Variants in PHLPP1 observed in about 807,000 individuals in gnomAD.
PHLPP1 encodes the protein PH domain leucine-rich repeat-containing protein phosphatase 1.
In PHLPP1, 42 loss-of-function variants were observed where a neutral mutation model predicts 117.2. That is an observed-to-expected ratio of 0.36 (90% confidence interval 0.28 to 0.46). The LOEUF is 0.46. Among genes scored for constraint, PHLPP1 ranks in the 20% least tolerant of loss-of-function variants. PHLPP1 has a pLI of 1.00. For missense variants in PHLPP1, 2,084 were observed against 2,241.9 expected (o/e 0.93, Z 1.42); for synonymous variants, 1,042 against 970.7 (o/e 1.07, Z -1.37).
chr18:62,751,301 G>C (rs769528676), intron 1 of PHLPP1, among the ~76,000 whole-genome samples: 1 of 152,190 alleles, frequency 6.6e-6, no homozygotes. Context: ...TGTCCGAACT[G>C]TCTCTAAAAC....
chr18:62,921,281 G>A (rs574377270), intron 10 of PHLPP1, among the ~76,000 whole-genome samples: 7 of 152,254 alleles, frequency 4.6e-5, no homozygotes, highest in African/African-American at 1.7e-4. Flanking sequence ...AGACAAAAAC[G>A]TTAAATTTAA....
chr18:62,820,399 G>A (rs1336745258), intron 1 of PHLPP1, among the ~76,000 whole-genome samples: 1 of 152,208 alleles, frequency 6.6e-6, no homozygotes, highest in African/African-American at 2.4e-5. Flanking sequence ...TTCTTTTCAA[G>A]TACATATGGA....
chr18:62,924,627 A>G (rs150728161), intron 10 of PHLPP1, among the ~76,000 whole-genome samples: 139 of 140,962 alleles, frequency 9.9e-4, no homozygotes, highest in African/African-American at 3.3e-3. Flanking sequence ...TGAGCCTAGG[A>G]GTTTGAGACC....
chr18:62,888,331 G>GTA (rs1488117615), intron 4 of PHLPP1, among the ~76,000 whole-genome samples: 1 of 123,636 alleles, frequency 8.1e-6, no homozygotes, highest in Admixed American at 7.7e-5. Flanking sequence ...GTGTGTGTGT[G>GTA]TGTATGTTTT....
intron 1 of PHLPP1, among the ~76,000 whole-genome samples, chr18:62,764,598 A>G (rs551091575): frequency 1.8e-3 from 275 of 151,682 alleles, no homozygotes; most frequent in African/African-American, 6.5e-3. Flanking sequence ...CTAAAAATAC[A>G]AAAATTAGCT....
At position 62,766,090 on chromosome 18, in the gene PHLPP1, TATATATATATATAA is replaced by T. The variant is rs1326508303; in HGVS notation, c.1576+48833_1576+48846del. ...AAAAAAAAAAAAATATATATATATA[TATATATATATATAA>T]AATATATATATATTTGTACAGAAAA... On this transcript the variant is annotated intron_variant, in intron 1 of 16. Transcript: ENST00000262719. Among the ~76,000 whole-genome samples, 6 of 72,256 alleles carry T rather than the reference TATATATATATATAA, an allele frequency of 8.3e-5. 1 individual carries two copies. The East Asian group carries it at 1.4e-3, about 16-fold the overall frequency. 47.4% of individuals were successfully genotyped at this position (72,256 alleles called of 152,430 possible).
intron 4 of PHLPP1, among the ~76,000 whole-genome samples, chr18:62,885,933 G>A (rs953805965): frequency 1.3e-5 from 2 of 152,134 alleles, no homozygotes; most frequent in African/African-American, 2.4e-5. Flanking sequence ...TACAGGGATG[G>A]AACTGATTGC....
intron 1 of PHLPP1, among the ~76,000 whole-genome samples, chr18:62,730,536 T>C (rs1313801422): frequency 6.6e-6 from 1 of 152,158 alleles, no homozygotes; most frequent in African/African-American, 2.4e-5. Context: ...AAAAATCTGT[T>C]TTCGGCCAGG....
At position 62,716,784 on chromosome 18, in the gene PHLPP1, C is replaced by G; in HGVS notation, c.1101C>G (p.Ser367Arg). 6.5e-7 allele frequency: 1 copy of G among 1,526,822 alleles called. No individual in the cohort carries two copies. The highest frequency in any genetic ancestry group is 8.8e-7 in the Non-Finnish European group (1 of 1,142,356). 94.6% of individuals were successfully genotyped at this position (1,526,822 alleles called of 1,614,324 possible). Residue 367 changes from serine (S) to arginine (R), a missense_variant, in exon 1 of 17, where the codon AGC becomes AGG. Physicochemically the swap from Ser to Arg is moderately radical, Grantham distance 110. Around this residue, in one of 2 missense-constraint regions of PHLPP1, gnomAD observed 719 missense variants for 636.0 expected, o/e 1.13. Coordinates refer to ENST00000262719, the MANE Select transcript of PHLPP1 (RefSeq NM_194449.4). This position sits in a 1 kb window ranked among gnomAD's most constrained non-coding sequence, Gnocchi z 5.7. ...ESVSDRLDPYSSGGGSSSSSE... is the reference protein window; with the variant it reads ...ESVSDRLDPYRSGGGSSSSSE... ...TGTCTGACCGGTTGGACCCCTACAGCAGCGGCGGCGGCTCCTCGTCGTCGT... is the reference window on the plus strand; with the variant it reads ...TGTCTGACCGGTTGGACCCCTACAGGAGCGGCGGCGGCTCCTCGTCGTCGT...
intron 3 of PHLPP1, 99 bp downstream of exon 3, chr18:62,839,008 CT>C (rs139937171): frequency 2.5e-4 from 311 of 1,255,646 alleles, no homozygotes; most frequent in South Asian, 5.5e-4. Context: ...GTTACACACA[CT>C]TTTTTTTTCC....
chr18:62,721,028 T>C (rs1166158789), intron 1 of PHLPP1, among the ~76,000 whole-genome samples: 1 of 152,186 alleles, frequency 6.6e-6, no homozygotes, highest in Admixed American at 6.5e-5. Context: ...TCGTATCACT[T>C]TCCATGAATC....
In PHLPP1 at chr18:62,903,089, T is replaced by C; in HGVS notation, c.2570T>C (p.Leu857Ser). 1 of 1,613,766 alleles carries C rather than the reference T, an allele frequency of 6.2e-7. No homozygotes were observed. Among genetic ancestry groups the C allele is most frequent in the African/African-American group, 1.3e-5 (1 of 75,050 alleles). The change falls in exon 7 of 17, where the codon TTA becomes TCA. Residue 857 changes from leucine to serine, a missense_variant. By Grantham distance (145) the Leu-to-Ser change is moderately radical (BLOSUM62 -2). Coordinates refer to ENST00000262719, the MANE Select transcript of PHLPP1 (RefSeq NM_194449.4). ...ATGATTTTCAACAACATTGAAGTTTTACACTGTGAAAGGAATCAACTGGTC... is the reference window on the plus strand; with the variant it reads ...ATGATTTTCAACAACATTGAAGTTTCACACTGTGAAAGGAATCAACTGGTC... ...DAMIFNNIEV[L>S]HCERNQLVTL...
chr18:62,896,052 C>A, intron 6 of PHLPP1, 41 bp downstream of exon 6: 2 of 1,269,038 alleles, frequency 1.6e-6, no homozygotes, highest in Non-Finnish European at 2.3e-6. Flanking sequence ...GAGTGGCTGG[C>A]TTATATTGCA....
intron 4 of PHLPP1, among the ~76,000 whole-genome samples, chr18:62,887,822 A>G (rs1370091486): frequency 6.6e-6 from 1 of 152,076 alleles, no homozygotes; most frequent in Non-Finnish European, 1.5e-5. Context: ...ACTGCAGCCT[A>G]AACCTTCTGG....
Position 62,838,926 on chromosome 18 carries a change from TC to T in PHLPP1, c.1899+19del, listed in dbSNP as rs773167281. 1 of 1,613,436 alleles carries T rather than the reference TC, an allele frequency of 6.2e-7. No homozygotes were observed. Among genetic ancestry groups the T allele is most frequent in the Non-Finnish European group, 8.5e-7 (1 of 1,179,654 alleles). ...GTCTCCAAGGTAAGCAAGCACTTAA[TC>T]CAGGAATCCACTCAGCTTCTAGCTG... On this transcript the variant is annotated intron_variant, in intron 3 of 16. Coordinates refer to ENST00000262719, the MANE Select transcript of PHLPP1 (RefSeq NM_194449.4).
At chr18:62,916,265 T>C (rs534448726) in intron 9 of PHLPP1, among the ~76,000 whole-genome samples, 1 of 152,092 alleles carries the variant, frequency 6.6e-6, no homozygotes, top group African/African-American at 2.4e-5. Flanking sequence ...TAGTGTACAT[T>C]AATTACATGT....
In PHLPP1 at chr18:62,822,267, TTTTTTTTTTTTTGTTTTTG is replaced by T. The variant is rs1489306057; in HGVS notation, c.1577-7755_1577-7737del. ...ATAGAGGATCTGTAGAAAATAGTGT[TTTTTTTTTTTTTGTTTTTG>T]TTTTTTTTTTTTTGAGACAGAGTCT... On this transcript the variant is annotated intron_variant, in intron 1 of 16. Transcript: ENST00000262719. Among the ~76,000 whole-genome samples the T allele has an allele frequency of 2.9e-5, 4 of 139,534 alleles. No homozygotes were observed. In the East Asian group the frequency reaches 8.0e-4, roughly 28 times the overall value. 91.5% of individuals were successfully genotyped at this position (139,534 alleles called of 152,430 possible).
At position 62,980,102 on chromosome 18, in the gene PHLPP1, C is replaced by G. The variant is rs542463769; in HGVS notation, c.*671C>G. ...CCCAAGTAACTGACGTTTCCCCTCCCCCTCCCCTCTGAGGAGCCTGCCTGC... is the reference window on the plus strand; with the variant it reads ...CCCAAGTAACTGACGTTTCCCCTCCGCCTCCCCTCTGAGGAGCCTGCCTGC... On this transcript the variant is annotated 3_prime_UTR_variant, in exon 17 of 17. Transcript: ENST00000262719. The G allele has an allele frequency of 2.2e-4, 33 of 152,802 alleles. No homozygotes were observed. The highest frequency in any genetic ancestry group is 3.5e-4 in the Non-Finnish European group (24 of 68,136). The allele number at this position is 152,802 out of a possible 1,614,324, so 9.5% of individuals were successfully genotyped here.
chr18:62,851,381 A>G (rs1023596958), intron 3 of PHLPP1, among the ~76,000 whole-genome samples: 1 of 152,096 alleles, frequency 6.6e-6, no homozygotes, highest in Non-Finnish European at 1.5e-5. Context: ...TTTAACAGGT[A>G]CCTCATAGCC....
Sources: allele counts gnomAD v4.1 joint callset (sites outside exome capture counted in the v4.1 genomes callset), GRCh38; gene constraint gnomAD v4.1.1; regional missense constraint gnomAD v4.1.1; non-coding constraint Gnocchi (gnomAD v3.1); transcripts MANE v1.5; gene names NCBI Gene and HGNC (gene_info 2026-07-23, HGNC 2026-07-21).